The following SDK2 variants were observed in gnomAD, a reference collection of about 807,000 sequenced individuals.
SDK2 encodes the protein protein sidekick-2.
A neutral mutation model predicts 253.9 loss-of-function variants in SDK2; 105 were observed. That is an observed-to-expected ratio of 0.41 (90% CI 0.35 to 0.49). The LOEUF (loss-of-function observed/expected upper bound fraction) is 0.49. SDK2 is among the 20% of genes least tolerant of loss of function. SDK2 has a pLI of 0.06. For missense variants in SDK2, 2,608 were observed against 3,003.0 expected (o/e 0.87, Z 3.07); for synonymous variants, 1,249 against 1,234.9 (o/e 1.01, Z -0.24).
chr17:73,468,319 G>A (rs1047637464), intron 3 of SDK2, among the ~76,000 whole-genome samples: 1 of 152,132 alleles, frequency 6.6e-6, no homozygotes, highest in African/African-American at 2.4e-5. Context: ...CTGGCTAGAC[G>A]CTTTGGCACA....
chr17:73,542,008 G>T (rs1342597968), intron 1 of SDK2, among the ~76,000 whole-genome samples: 1 of 152,226 alleles, frequency 6.6e-6, no homozygotes, highest in Non-Finnish European at 1.5e-5. Flanking sequence ...TCGCGACAAG[G>T]ATTAAATAAA....
At chr17:73,596,160 T>C (rs1419328913) in intron 1 of SDK2, among the ~76,000 whole-genome samples, 2 of 152,126 alleles carry the variant, frequency 1.3e-5, no homozygotes, top group African/African-American at 4.8e-5. Flanking sequence ...ACCTGGGTCC[T>C]GGGCAGCTTT....
chr17:73,527,855 T>C (rs901568392), intron 1 of SDK2, among the ~76,000 whole-genome samples: 5 of 151,912 alleles, frequency 3.3e-5, no homozygotes, highest in African/African-American at 1.2e-4. Context: ...AGAAGAAAAA[T>C]GATGCTGAGG....
At chr17:73,414,804 AGT>A (rs2063167133) in intron 17 of SDK2, 45 bp from the exon 18 acceptor site, 2 of 1,240,322 alleles carry the variant, frequency 1.6e-6, no homozygotes, top group Non-Finnish European at 2.4e-6. Context: ...GGGCCCAGTC[AGT>A]CTCTCTTGCC....
At chr17:73,523,478 A>G (rs1483682052) in intron 1 of SDK2, among the ~76,000 whole-genome samples, 1 of 151,896 alleles carries the variant, frequency 6.6e-6, no homozygotes, top group African/African-American at 2.4e-5. Flanking sequence ...GGGGACTCTA[A>G]TCCCACATGA....
intron 1 of SDK2, among the ~76,000 whole-genome samples, chr17:73,597,463 T>C (rs2045775593): frequency 6.6e-6 from 1 of 152,196 alleles, no homozygotes; most frequent in Non-Finnish European, 1.5e-5. Context: ...TGTGGACGTA[T>C]CTGTCTGGAA....
intron 29 of SDK2, among the ~76,000 whole-genome samples, chr17:73,389,012 G>A (rs941590155): frequency 1.5e-5 from 2 of 129,352 alleles, no homozygotes; most frequent in Admixed American, 1.7e-4. Context: ...TTTTTCTTTC[G>A]TTATTTAAAA....
rs536825931 is a variant in SDK2, at chr17:73,354,895, T to C, written c.5594-2258A>G. On this transcript the variant is annotated intron_variant, in intron 40 of 44. Coordinates refer to ENST00000392650, the MANE Select transcript of SDK2 (RefSeq NM_001144952.2). ...GCTGATGGTTTTGTTTTCCTCACCA[T>C]ACTTTCTCATAGACCCAGCCGTGTA... Among the ~76,000 whole-genome samples, 16 of 151,974 alleles carry C rather than the reference T, an allele frequency of 1.1e-4. No homozygotes were observed. In the East Asian group the frequency reaches 1.4e-3, roughly 13 times the overall value.
intron 2 of SDK2, among the ~76,000 whole-genome samples, chr17:73,483,434 G>T (rs970397423): frequency 6.8e-6 from 1 of 146,238 alleles, no homozygotes; most frequent in African/African-American, 2.6e-5. Context: ...AGCCTCCCGA[G>T]TAGTTGGGAC....
chr17:73,371,474 C>A (rs932520836), intron 36 of SDK2, among the ~76,000 whole-genome samples: 1 of 151,784 alleles, frequency 6.6e-6, no homozygotes, highest in African/African-American at 2.4e-5. Flanking sequence ...TGGTTTGACT[C>A]GATATGAGCA....
intron 36 of SDK2, among the ~76,000 whole-genome samples, chr17:73,369,949 T>C (rs1233235281): frequency 6.6e-6 from 1 of 152,116 alleles, no homozygotes; most frequent in Non-Finnish European, 1.5e-5. Flanking sequence ...CAGCCATTGT[T>C]TTCAATCATT....
intron 40 of SDK2, among the ~76,000 whole-genome samples, chr17:73,357,188 G>C (rs1279835808): frequency 6.6e-6 from 1 of 152,220 alleles, no homozygotes; most frequent in Non-Finnish European, 1.5e-5. Context: ...ATGTCTTCCA[G>C]GAGCTACTAG....
At position 73,401,679 on chromosome 17, in the gene SDK2, C is replaced by T. The variant is rs751184968; in HGVS notation, c.2754G>A (p.Pro918=). 40 of 1,593,984 alleles carry T rather than the reference C, an allele frequency of 2.5e-5. No homozygotes were observed. Among genetic ancestry groups the T allele is most frequent in the African/African-American group, 1.5e-4 (11 of 74,694 alleles). The change falls in exon 20 of 45, where the codon CCG becomes CCA. Residue 918 remains proline, a synonymous_variant. Transcript: ENST00000392650. ...CTGTGAGGATGCCATTTTTCTCTCC[C>T]GGCTCTTGCCAGCTGACCTTCAGCG... ...DTSLKVSWQE[P]GEKNGILTGY...
At chr17:73,427,173 C>T (rs1429365975) in intron 12 of SDK2, among the ~76,000 whole-genome samples, 2 of 152,124 alleles carry the variant, frequency 1.3e-5, no homozygotes, top group Non-Finnish European at 2.9e-5. Context: ...GAGATCACTG[C>T]CTGTGAAGTA....
rs144303969 is a variant in SDK2 at position 73,348,412 on chromosome 17, C to T, written c.6165+187G>A. Among the ~76,000 whole-genome samples, 5 of 152,326 alleles carry T rather than the reference C, an allele frequency of 3.3e-5. 1 individual carries two copies. In the East Asian group the frequency reaches 9.6e-4, roughly 29 times the overall value. The stretch of plus-strand genomic sequence containing the variant: ...GTTCCCGGGACCCCATTGGCACTGG[C>T]CGCAAACTTTGAGCAGAACTTGGGA... On this transcript the variant is annotated intron_variant, in intron 44 of 44. Coordinates refer to ENST00000392650, the MANE Select transcript of SDK2 (RefSeq NM_001144952.2).
intron 44 of SDK2, among the ~76,000 whole-genome samples, chr17:73,347,922 A>G (rs1316966401): frequency 1.3e-5 from 2 of 152,148 alleles, no homozygotes; most frequent in East Asian, 3.9e-4. Flanking sequence ...CTGGCTCTAC[A>G]CTGAGTTCAC....
intron 15 of SDK2, among the ~76,000 whole-genome samples, chr17:73,419,589 G>T (rs1298160172): frequency 6.6e-6 from 1 of 151,832 alleles, no homozygotes; most frequent in Non-Finnish European, 1.5e-5. Flanking sequence ...AAACTATAAG[G>T]CCAGATGCTG....
In SDK2 at chr17:73,402,053, A is replaced by C. The variant is rs1291714970; in HGVS notation, c.2573T>G (p.Val858Gly). The C allele has an allele frequency of 3.7e-6, 6 of 1,613,936 alleles. No homozygotes were observed. The change falls in exon 19 of 45, where the codon GTG becomes GGG. Residue 858 changes from valine to glycine, a missense_variant. Val to Gly is a moderately radical substitution (Grantham distance 109). This residue lies in a region of SDK2 where 1,505 missense variants were observed against 1,859.1 expected (regional missense o/e 0.81). Coordinates refer to ENST00000392650, the MANE Select transcript of SDK2 (RefSeq NM_001144952.2). ...NFQDSIHVGF[V>G]SGLKKFTEYF... ...CTCGGTGAACTTCTTCAGGCCAGAC[A>C]CGAAGCCCACGTGGATGCTGTCTTG...
intron 2 of SDK2, among the ~76,000 whole-genome samples, chr17:73,484,380 G>A (rs1178720614): frequency 6.6e-6 from 1 of 152,218 alleles, no homozygotes; most frequent in Non-Finnish European, 1.5e-5. Context: ...AGCCTCCCAG[G>A]TGTGCAGGGG....
Sources: allele counts gnomAD v4.1 joint callset (sites outside exome capture counted in the v4.1 genomes callset), GRCh38; gene constraint gnomAD v4.1.1; regional missense constraint gnomAD v4.1.1; transcripts MANE v1.5; gene names NCBI Gene and HGNC (gene_info 2026-07-23, HGNC 2026-07-21).